Variants in GREB1L observed in about 807,000 individuals in gnomAD.
The protein encoded by GREB1L is GREB1 like retinoic acid receptor coactivator.
A neutral mutation model predicts 200.8 loss-of-function variants in GREB1L; 17 were observed. That is an observed-to-expected ratio of 0.08 (90% CI 0.06 to 0.13). The LOEUF is 0.13. Among genes scored for constraint, GREB1L ranks in the 10% least tolerant of loss-of-function variants. The pLI is 1.00. For missense variants in GREB1L, 1,657 were observed against 2,367.7 expected (o/e 0.70, Z 6.23); for synonymous variants, 789 against 893.0 (o/e 0.88, Z 2.08).
intron 1 of GREB1L, among the ~76,000 whole-genome samples, chr18:21,332,230 TG>T (rs2039116010): frequency 6.6e-6 from 1 of 152,228 alleles, no homozygotes; most frequent in South Asian, 2.1e-4. Context: ...CAGGGACTGT[TG>T]AAGCATGGTG....
At chr18:21,268,623 G>A (rs2038029228) in intron 1 of GREB1L, among the ~76,000 whole-genome samples, 1 of 132,482 alleles carries the variant, frequency 7.5e-6, no homozygotes, top group Non-Finnish European at 1.6e-5. Flanking sequence ...TTTCAGGCAG[G>A]GTTTCATTCT....
At position 21,508,146 on chromosome 18, in the gene GREB1L, C is replaced by T; in HGVS notation, c.4397C>T (p.Thr1466Ile). ...QMSDSTLHAF[T>I]FSSSMLGEEV... ...TCTGACTCCACCCTTCATGCCTTCA[C>T]ATTCTCTTCTTCTATGCTGGGAGAA... The change falls in exon 26 of 33, where the codon ACA becomes ATA. Residue 1466 changes from threonine to isoleucine, a missense_variant. Transcript: ENST00000424526. The T allele has an allele frequency of 1.3e-6, 2 of 1,551,648 alleles. No individual in the cohort carries two copies. Among genetic ancestry groups the T allele is most frequent in the Non-Finnish European group, 8.7e-7 (1 of 1,146,976 alleles).
rs141729379 is a variant in GREB1L, at chr18:21,332,012, AG to A, written c.-119-34014del. Among the ~76,000 whole-genome samples the A allele has an allele frequency of 7.7e-3, 1,169 of 152,346 alleles. 16 individuals are homozygous for A. The highest frequency in any genetic ancestry group is 0.026 in the African/African-American group (1,094 of 41,574). ...GACTCAATATATTTCATGGAACATA[AG>A]AATAGTAAAGTTGTTCCAAGTAACT... On this transcript the variant is annotated intron_variant, in intron 1 of 32. Coordinates refer to ENST00000424526, the MANE Select transcript of GREB1L (RefSeq NM_001142966.3).
At chr18:21,518,593 G>C (rs2037505559) in intron 31 of GREB1L, among the ~76,000 whole-genome samples, 1 of 152,160 alleles carries the variant, frequency 6.6e-6, no homozygotes, top group African/African-American at 2.4e-5. Context: ...ACATTCATCA[G>C]ATTATACTGT....
intron 7 of GREB1L, among the ~76,000 whole-genome samples, chr18:21,431,919 CTTTTTTTTTT>C (rs773523492): frequency 1.1e-5 from 1 of 91,266 alleles, no homozygotes; most frequent in African/African-American, 5.4e-5. Flanking sequence ...CTTTTCTTTT[CTTTTTTTTTT>C]TTTTTTTTTT....
Position 21,522,912 on chromosome 18 carries a change from C to G in GREB1L, c.*91C>G. ...TTTTCTTTTTCCTTTAAAGTACAAT[C>G]ACTGTGGAGCAAAGTGCAACATATT... On this transcript the variant is annotated 3_prime_UTR_variant, in exon 33 of 33. Coordinates refer to ENST00000424526, the MANE Select transcript of GREB1L (RefSeq NM_001142966.3). The G allele has an allele frequency of 8.5e-7, 1 of 1,170,728 alleles. No individual in the cohort carries two copies. Among genetic ancestry groups the G allele is most frequent in the Non-Finnish European group, 1.2e-6 (1 of 850,662 alleles). 72.5% of individuals were successfully genotyped at this position (1,170,728 alleles called of 1,614,324 possible). A position where few individuals can be genotyped will look rare whatever the true frequency, so the allele number is the denominator to read the frequency against.
At chr18:21,372,582 G>C (rs2039920408) in intron 2 of GREB1L, among the ~76,000 whole-genome samples, 1 of 152,154 alleles carries the variant, frequency 6.6e-6, no homozygotes. Context: ...TGTGGCCGAA[G>C]ATGGCTTTGA....
At chr18:21,261,184 T>A (rs1427259253) in intron 1 of GREB1L, among the ~76,000 whole-genome samples, 1 of 151,978 alleles carries the variant, frequency 6.6e-6, no homozygotes, top group African/African-American at 2.4e-5. Flanking sequence ...ATATATATAT[T>A]TTTCCAACAC....
chr18:21,330,976 A>G (rs1222796914), intron 1 of GREB1L, among the ~76,000 whole-genome samples: 2 of 152,170 alleles, frequency 1.3e-5, no homozygotes, highest in Non-Finnish European at 2.9e-5. Flanking sequence ...AGGTTATAAC[A>G]CTTTCTAATA....
intron 1 of GREB1L, among the ~76,000 whole-genome samples, chr18:21,269,843 T>A (rs2038050722): frequency 6.6e-6 from 1 of 152,234 alleles, no homozygotes; most frequent in Non-Finnish European, 1.5e-5. Context: ...ACTTGATTTA[T>A]ACCGGGCATC....
At chr18:21,259,158 AG>A (rs1255699938) in intron 1 of GREB1L, among the ~76,000 whole-genome samples, 46 of 152,324 alleles carry the variant, frequency 3.0e-4, no homozygotes, top group African/African-American at 1.1e-3. Flanking sequence ...ATTCTATCCT[AG>A]ATTAAGGTTT....
At chr18:21,426,310 G>T (rs2032571742) in intron 7 of GREB1L, among the ~76,000 whole-genome samples, 1 of 152,082 alleles carries the variant, frequency 6.6e-6, no homozygotes, top group Admixed American at 6.5e-5. Flanking sequence ...GCCTGCCTCA[G>T]CCTCCCAAAG....
At chr18:21,512,386 C>G (rs987690800) in intron 27 of GREB1L, among the ~76,000 whole-genome samples, 12 of 152,146 alleles carry the variant, frequency 7.9e-5, no homozygotes, top group Non-Finnish European at 1.5e-4. Flanking sequence ...TTTCACTGTA[C>G]AAGTCTTTTG....
At chr18:21,279,105 CTCA>C (rs1473319162) in intron 1 of GREB1L, among the ~76,000 whole-genome samples, 1 of 152,016 alleles carries the variant, frequency 6.6e-6, no homozygotes, top group African/African-American at 2.4e-5. Flanking sequence ...TGCAGTTTGT[CTCA>C]TCATTTCAAA....
intron 4 of GREB1L, among the ~76,000 whole-genome samples, chr18:21,385,965 G>A (rs1425289349): frequency 6.6e-6 from 1 of 152,176 alleles, no homozygotes; most frequent in Non-Finnish European, 1.5e-5. Flanking sequence ...ATGGAGAGCT[G>A]TTTAGTACCC....
At chr18:21,254,670 T>G (rs1333594540) in intron 1 of GREB1L, among the ~76,000 whole-genome samples, 1 of 152,188 alleles carries the variant, frequency 6.6e-6, no homozygotes, top group African/African-American at 2.4e-5. Flanking sequence ...ATTCTTGGGT[T>G]AATTTGGGTG....
In GREB1L at chr18:21,500,146, C is replaced by T; in HGVS notation, c.3809C>T (p.Pro1270Leu). The T allele has an allele frequency of 6.4e-7, 1 of 1,551,540 alleles. No individual in the cohort carries two copies. The highest frequency in any genetic ancestry group is 8.7e-7 in the Non-Finnish European group (1 of 1,147,020). Residue 1270 changes from proline to leucine, a missense_variant, in exon 22 of 33, where the codon CCA (proline) becomes CTA (leucine). Physicochemically the swap from Pro to Leu is moderately conservative, Grantham distance 98 (BLOSUM62 -3). Coordinates refer to ENST00000424526, the MANE Select transcript of GREB1L (RefSeq NM_001142966.3). ...GTGGCCTGGGTGAGCTCCCTGCGGC[C>T]ACTCCTGAACAAGGACATGAGCAGT... ...ADVAWVSSLR[P>L]LLNKDMSSEE...
intron 7 of GREB1L, among the ~76,000 whole-genome samples, chr18:21,435,674 AG>A (rs778585266): frequency 3.9e-5 from 6 of 152,234 alleles, no homozygotes; most frequent in Non-Finnish European, 8.8e-5. Flanking sequence ...GATGTACGCA[AG>A]AACTTCCAGC....
At chr18:21,378,885 G>A (rs577955129) in intron 2 of GREB1L, among the ~76,000 whole-genome samples, 12 of 150,600 alleles carry the variant, frequency 8.0e-5, no homozygotes, top group African/African-American at 2.7e-4. Flanking sequence ...TTTTTTTCGG[G>A]GGGGGACAGG....
Sources: gnomAD v4.1 joint callset for allele counts (sites outside exome capture counted in the v4.1 genomes callset) on GRCh38, gnomAD v4.1.1 for gene constraint, MANE v1.5 for transcripts, NCBI Gene and HGNC (gene_info 2026-07-23, HGNC 2026-07-21) for gene names.